The following IMMP2L variants were observed in gnomAD, a reference collection of about 807,000 sequenced individuals.
The protein encoded by IMMP2L is mitochondrial inner membrane protease subunit 2.
Under a neutral mutation model 19.3 loss-of-function variants are expected in IMMP2L, and 18 were observed. The observed-to-expected ratio is 0.93, with a 90% CI of 0.64 to 1.38. The LOEUF (loss-of-function observed/expected upper bound fraction) is 1.38, where lower values mean the gene tolerates loss of function less well. Ranked by LOEUF, IMMP2L falls within the 40% of genes most tolerant of loss-of-function variation. The pLI is 0.00. For missense variants in IMMP2L, 233 were observed against 218.2 expected, an observed-to-expected ratio of 1.07 and a Z score of -0.43; for synonymous variants, 76 against 73.0, an observed-to-expected ratio of 1.04 and a Z score of -0.21.
In IMMP2L at chr7:111,524,983, A is replaced by C. The variant is rs189904367; in HGVS notation, c.-2-3534T>G. 5.1e-4 allele frequency among the ~76,000 whole-genome samples: 77 copies of C among 152,296 alleles called. 1 individual carries two copies. Among genetic ancestry groups the C allele is most frequent in the Admixed American group, 1.4e-3 (22 of 15,296 alleles). On this transcript the variant is annotated intron_variant, in intron 1 of 5. Transcript: ENST00000405709. ...AACGGTCTTCCACAAGCACTGTGTT[A>C]GGTACCAGGGAATCATAAAACAGTG...
chr7:111,531,207 G>A (rs920820817), intron 1 of IMMP2L, among the ~76,000 whole-genome samples: 5 of 151,790 alleles, frequency 3.3e-5, no homozygotes, highest in African/African-American at 7.3e-5. Context: ...CGCCCGCCTC[G>A]GCCTCCCAAA....
intron 3 of IMMP2L, among the ~76,000 whole-genome samples, chr7:111,014,656 GA>G (rs970445535): frequency 1.1e-4 from 16 of 151,488 alleles, no homozygotes; most frequent in African/African-American, 2.4e-4. Flanking sequence ...TATGGAATGG[GA>G]AAAAAAATCA....
chr7:111,123,042 T>A lies in IMMP2L; in HGVS notation c.240-159477A>T. 5 of 1,613,842 alleles carry A rather than the reference T, an allele frequency of 3.1e-6. No homozygotes were observed. The highest frequency in any genetic ancestry group is 4.2e-6 in the Non-Finnish European group (5 of 1,179,902). ...CAAAAATTGAATACTCCACAGACTTTCCAGTAAACCTTACTGGCCTGGATT... is the reference window on the plus strand; with the variant it reads ...CAAAAATTGAATACTCCACAGACTTACCAGTAAACCTTACTGGCCTGGATT... On this transcript the variant is annotated intron_variant, in intron 3 of 5. Transcript: ENST00000405709. This position sits in a 1 kb window ranked among gnomAD's most constrained non-coding sequence, Gnocchi z 6.4.
intron 3 of IMMP2L, among the ~76,000 whole-genome samples, chr7:110,967,920 A>G (rs1819722559): frequency 6.6e-6 from 1 of 152,100 alleles, no homozygotes; most frequent in African/African-American, 2.4e-5. Context: ...ATGTTGCCAG[A>G]GTTTAGCATG....
At chr7:111,425,870 T>C (rs1475102673) in intron 3 of IMMP2L, among the ~76,000 whole-genome samples, 1 of 151,256 alleles carries the variant, frequency 6.6e-6, no homozygotes, top group Non-Finnish European at 1.5e-5. Context: ...AAAATCTTGC[T>C]AAATTAATCA....
At chr7:111,502,422 G>C (rs535760312) in intron 2 of IMMP2L, among the ~76,000 whole-genome samples, 3 of 152,156 alleles carry the variant, frequency 2.0e-5, no homozygotes, top group African/African-American at 7.2e-5. Context: ...GAGACAGAAA[G>C]TTAACAAGGA....
intron 1 of IMMP2L, among the ~76,000 whole-genome samples, chr7:111,541,529 G>A (rs1194240331): frequency 6.6e-6 from 1 of 152,158 alleles, no homozygotes; most frequent in African/African-American, 2.4e-5. Flanking sequence ...TAGGAAGGTT[G>A]TTTTCATCTT....
intron 3 of IMMP2L, among the ~76,000 whole-genome samples, chr7:111,321,263 C>A (rs527301644): frequency 2.6e-5 from 4 of 151,980 alleles, no homozygotes; most frequent in Non-Finnish European, 4.4e-5. Context: ...TAAGTCAACA[C>A]ACAATTGGCT....
At chr7:111,299,631 T>C (rs1822008402) in intron 3 of IMMP2L, among the ~76,000 whole-genome samples, 1 of 150,502 alleles carries the variant, frequency 6.6e-6, no homozygotes, top group South Asian at 2.1e-4. Context: ...ACAAAGTGGA[T>C]CTTTTGAAAA....
chr7:110,741,097 A>G (rs975084751), intron 5 of IMMP2L, among the ~76,000 whole-genome samples: 11 of 152,230 alleles, frequency 7.2e-5, no homozygotes. Flanking sequence ...GATGACCATC[A>G]ATCAACGAGT....
At chr7:111,558,949 A>G (rs951458172) in intron 1 of IMMP2L, among the ~76,000 whole-genome samples, 1 of 152,164 alleles carries the variant, frequency 6.6e-6, no homozygotes, top group African/African-American at 2.4e-5. Flanking sequence ...CAAAAAATAC[A>G]AAAGCCACCA....
In IMMP2L at chr7:111,323,529, T is replaced by C. The variant is rs535101547; in HGVS notation, c.239+163709A>G. ...AAGATATGGAGAAATAGGAACACTT[T>C]TACACTGTTGGTAGGACTGTAAACT... On this transcript the variant is annotated intron_variant, in intron 3 of 5. Transcript: ENST00000405709. Among the ~76,000 whole-genome samples the C allele has an allele frequency of 1.4e-4, 22 of 152,172 alleles. No individual in the cohort carries two copies. In the South Asian group the frequency reaches 3.9e-3, roughly 27 times the overall value.
chr7:110,695,077 TA>T (rs1409642579), intron 5 of IMMP2L, among the ~76,000 whole-genome samples: 5 of 151,660 alleles, frequency 3.3e-5, no homozygotes, highest in Non-Finnish European at 7.4e-5. Flanking sequence ...AAATGGGGAG[TA>T]ATTTGTTAAC....
At chr7:111,154,738 C>T (rs1210328385) in intron 3 of IMMP2L, among the ~76,000 whole-genome samples, 1 of 151,948 alleles carries the variant, frequency 6.6e-6, no homozygotes, top group Non-Finnish European at 1.5e-5. Context: ...TACATTAGTT[C>T]GGTTTCCTTT....
chr7:111,464,263 C>G (rs1840408266), intron 3 of IMMP2L, among the ~76,000 whole-genome samples: 1 of 152,162 alleles, frequency 6.6e-6, no homozygotes, highest in African/African-American at 2.4e-5. Flanking sequence ...CGTTTGAAGT[C>G]AGGAATTCAA....
At chr7:110,847,683 G>T (rs1363420810) in intron 5 of IMMP2L, among the ~76,000 whole-genome samples, 3 of 152,072 alleles carry the variant, frequency 2.0e-5, no homozygotes, top group African/African-American at 7.2e-5. Context: ...AATCAAAACA[G>T]CATGTTATTA....
intron 4 of IMMP2L, among the ~76,000 whole-genome samples, chr7:110,900,697 G>A (rs1811772082): frequency 3.3e-5 from 5 of 152,296 alleles, no homozygotes; most frequent in African/African-American, 1.2e-4. Context: ...GTTAGGAGGT[G>A]CTTCTGTCCA....
At chr7:111,154,428 A>AT (rs1243898920) in intron 3 of IMMP2L, among the ~76,000 whole-genome samples, 2 of 152,140 alleles carry the variant, frequency 1.3e-5, no homozygotes, top group Non-Finnish European at 2.9e-5. Context: ...ATAGAATGTG[A>AT]TTTTTTAAAT....
At chr7:110,812,425 T>C (rs575686964) in intron 5 of IMMP2L, among the ~76,000 whole-genome samples, 5 of 152,110 alleles carry the variant, frequency 3.3e-5, no homozygotes, top group African/African-American at 9.6e-5. Context: ...GAAAGTCCTA[T>C]GGAAGTGGTG....
Sources: gnomAD v4.1 joint callset for allele counts (sites outside exome capture counted in the v4.1 genomes callset) on GRCh38, gnomAD v4.1.1 for gene constraint, Gnocchi (gnomAD v3.1) non-coding constraint, MANE v1.5 for transcripts, NCBI Gene and HGNC (gene_info 2026-07-23, HGNC 2026-07-21) for gene names.